PRSS23: variants seen among roughly 807,000 people sequenced by gnomAD.
The protein encoded by PRSS23 is serine protease 23.
Under a neutral mutation model 34.7 loss-of-function variants are expected in PRSS23, and 25 were observed. The observed-to-expected ratio is 0.72, with a 90% confidence interval of 0.53 to 1.01. The LOEUF is 1.01. PRSS23 is among the 50% of genes least tolerant of loss of function. The probability of loss-of-function intolerance (pLI) is 0.00; values close to 1 mark genes in which losing one functional copy is unlikely to be tolerated. For missense variants in PRSS23, 445 were observed against 475.6 expected (o/e 0.94, Z 0.60); for synonymous variants, 176 against 186.6 (o/e 0.94, Z 0.46).
intron 2 of PRSS23, among the ~76,000 whole-genome samples, chr11:86,878,409 C>G (rs928039622): frequency 6.6e-6 from 1 of 152,126 alleles, no homozygotes; most frequent in Non-Finnish European, 1.5e-5. Context: ...ATTGCAGGCG[C>G]GCGCCGCCAC....
intron 2 of PRSS23, among the ~76,000 whole-genome samples, chr11:86,930,647 G>A (rs1949117991): frequency 1.3e-5 from 2 of 152,154 alleles, no homozygotes. Flanking sequence ...AAAATTAGCC[G>A]GGCGTGGTGG....
intron 2 of PRSS23, chr11:86,857,966 T>G (rs1948584314): frequency 5.2e-6 from 2 of 381,062 alleles, no homozygotes; most frequent in Non-Finnish European, 1.0e-5. Context: ...TCGCAGGGGG[T>G]TGTACACGCC....
In PRSS23 at chr11:86,825,368, T is replaced by C. The variant is rs1014174502; in HGVS notation, c.206+1775T>C. Reference sequence around the variant, plus strand: ...TAAATTTGTTTGAGTTCTTTGTAGATTCCGGATATTAGCCCTTTGTCAGAT... The same window carrying C: ...TAAATTTGTTTGAGTTCTTTGTAGACTCCGGATATTAGCCCTTTGTCAGAT... On this transcript the variant is annotated intron_variant, in intron 2 of 2. Transcript: ENST00000533902. Among the ~76,000 whole-genome samples, 189 of 152,366 alleles carry C rather than the reference T, an allele frequency of 1.2e-3. 1 individual carries two copies. Among genetic ancestry groups the C allele is most frequent in the African/African-American group, 4.3e-3 (179 of 41,588 alleles).
At chr11:86,804,169 A>C (rs1333725104) in intron 1 of PRSS23, among the ~76,000 whole-genome samples, 2 of 152,228 alleles carry the variant, frequency 1.3e-5, no homozygotes, top group East Asian at 3.9e-4. Flanking sequence ...TTGGTAAAGG[A>C]CTAAGCAACT....
At chr11:86,806,210 C>A (rs1190872541) in intron 1 of PRSS23, among the ~76,000 whole-genome samples, 2 of 152,202 alleles carry the variant, frequency 1.3e-5, no homozygotes, top group Non-Finnish European at 2.9e-5. Context: ...TCTACTCCAC[C>A]CTTGCTGAGC....
chr11:86,810,438 A>G lies in PRSS23; in HGVS notation c.*1643A>G, dbSNP rs938994405. ...AACCACAGTGCTTTCTTCAAATCAT[A>G]TGAGAAATACTATGCATAGCAAGGA... On this transcript the variant is annotated 3_prime_UTR_variant, in exon 2 of 2. Coordinates refer to ENST00000280258, the MANE Select transcript of PRSS23 (RefSeq NM_007173.6). 3 of 167,102 alleles carry G rather than the reference A, an allele frequency of 1.8e-5. No individual in the cohort carries two copies. Among genetic ancestry groups the G allele is most frequent in the Non-Finnish European group, 4.4e-5 (3 of 68,124 alleles). The allele number at this position is 167,102 out of a possible 1,614,324, so 10.4% of individuals were successfully genotyped here.
chr11:86,839,065 A>AG (rs1421369770), intron 2 of PRSS23, among the ~76,000 whole-genome samples: 5 of 151,486 alleles, frequency 3.3e-5, no homozygotes, highest in African/African-American at 1.2e-4. Context: ...TTAAAAAAAA[A>AG]AAACAACAGA....
At chr11:86,850,575 A>G (rs980988497) in intron 2 of PRSS23, among the ~76,000 whole-genome samples, 4 of 152,158 alleles carry the variant, frequency 2.6e-5, no homozygotes, top group Non-Finnish European at 4.4e-5. Context: ...GGATCTGTGC[A>G]TGTGTTTTCT....
intron 2 of PRSS23, among the ~76,000 whole-genome samples, chr11:86,887,225 T>C (rs1948808404): frequency 6.6e-6 from 1 of 152,182 alleles, no homozygotes; most frequent in Non-Finnish European, 1.5e-5. Flanking sequence ...CTGGAGACTT[T>C]TCCCAAATGC....
rs543199236 is a variant in PRSS23, at chr11:86,930,821, A to T, written c.207-20395A>T. 1.1e-4 allele frequency among the ~76,000 whole-genome samples: 16 copies of T among 143,106 alleles called. 1 individual carries two copies. The South Asian group carries it at 3.9e-3, about 35-fold the overall frequency. 93.9% of individuals were successfully genotyped at this position (143,106 alleles called of 152,430 possible). On this transcript the variant is annotated intron_variant, in intron 2 of 2. Coordinates refer to the PRSS23 transcript ENST00000533902. The stretch of plus-strand genomic sequence containing the variant: ...AAAAAAAAAAGAACGGCTGACCAGA[A>T]AAAGGGACCTCACGTACAAAAGCCC...
At chr11:86,925,795 C>T (rs956237334) in intron 2 of PRSS23, among the ~76,000 whole-genome samples, 6 of 152,188 alleles carry the variant, frequency 3.9e-5, no homozygotes, top group African/African-American at 1.2e-4. Context: ...TATCTGACTC[C>T]AGCTACTAAC....
chr11:86,870,541 CTT>C (rs904805690), intron 2 of PRSS23, among the ~76,000 whole-genome samples: 1 of 152,156 alleles, frequency 6.6e-6, no homozygotes, highest in African/African-American at 2.4e-5. Flanking sequence ...GTAACATTTA[CTT>C]TTTGTCAAAT....
upstream of PRSS23, among the ~76,000 whole-genome samples, chr11:86,797,989 C>T (rs1939118): frequency 0.2 from 29,989 of 152,096 alleles, 3,201 homozygotes; most frequent in Middle Eastern, 0.24. Context: ...CTCCTATATG[C>T]ATCTCTTTAA....
At chr11:86,941,961 T>C (rs1448794231) in intron 2 of PRSS23, among the ~76,000 whole-genome samples, 1 of 152,220 alleles carries the variant, frequency 6.6e-6, no homozygotes, top group African/African-American at 2.4e-5. Flanking sequence ...CCTCCCTGCC[T>C]TCCTTCCTTA....
At position 86,834,368 on chromosome 11, in the gene PRSS23, A is replaced by G. The variant is rs183489809; in HGVS notation, c.206+10775A>G. Among the ~76,000 whole-genome samples the G allele has an allele frequency of 3.0e-3, 452 of 152,016 alleles. 3 individuals are homozygous for G. The highest frequency in any genetic ancestry group is 6.8e-3 in the Middle Eastern group (2 of 294). On this transcript the variant is annotated intron_variant, in intron 2 of 2. Coordinates refer to the PRSS23 transcript ENST00000533902. The stretch of plus-strand genomic sequence containing the variant: ...ATGTCCTCCTGAGGTTCCCCATTCT[A>G]TTTCTTCTTCTGAGTACCGGGACTT...
chr11:86,799,587 C>T (rs916168575), upstream of PRSS23, among the ~76,000 whole-genome samples: 3 of 152,166 alleles, frequency 2.0e-5, no homozygotes, highest in Non-Finnish European at 4.4e-5. Context: ...TGACCGAAAA[C>T]GCTCAATACA....
intron 2 of PRSS23, among the ~76,000 whole-genome samples, chr11:86,877,551 T>C (rs1948733029): frequency 6.6e-6 from 1 of 152,180 alleles, no homozygotes; most frequent in South Asian, 2.1e-4. Flanking sequence ...ACTTTATTGT[T>C]TGCATATGGC....
chr11:86,814,012 G>T (rs997996715), downstream of PRSS23, among the ~76,000 whole-genome samples: 1 of 152,206 alleles, frequency 6.6e-6, no homozygotes, highest in Non-Finnish European at 1.5e-5. Flanking sequence ...TGACTGCTTG[G>T]CTTGGGGCCT....
intron 2 of PRSS23, among the ~76,000 whole-genome samples, chr11:86,891,765 T>C (rs887744371): frequency 3.3e-5 from 5 of 152,106 alleles, no homozygotes. Flanking sequence ...GGGGGCAGTT[T>C]CCCCCATGCT....
Sources: gnomAD v4.1 joint callset for allele counts (sites outside exome capture counted in the v4.1 genomes callset) on GRCh38, gnomAD v4.1.1 for gene constraint, MANE v1.5 for transcripts, NCBI Gene and HGNC (gene_info 2026-07-23, HGNC 2026-07-21) for gene names.